The following POLE variants were observed in gnomAD, a reference collection of about 807,000 sequenced individuals.
POLE encodes the protein DNA polymerase epsilon, catalytic subunit.
Under a neutral mutation model 279.2 loss-of-function variants are expected in POLE, and 188 were observed. The ratio of observed to expected loss-of-function variants is 0.67; its 90% CI spans 0.60 to 0.76. The LOEUF is 0.76. Among genes scored for constraint, POLE ranks in the 30% least tolerant of loss-of-function variants. POLE has a pLI of 0.00. For synonymous variants in POLE, 1,214 were observed against 1,172.5 expected, an observed-to-expected ratio of 1.04 and a Z score of -0.72; for missense variants, 2,703 against 3,016.7, an observed-to-expected ratio of 0.90 and a Z score of 2.44.
At chr12:132,660,758 A>C in intron 25 of POLE, 5 of 392,572 alleles carry the variant, frequency 1.3e-5, no homozygotes, top group East Asian at 3.8e-5. Flanking sequence ...GCTATTTAGA[A>C]AAACGTTTCC....
chr12:132,680,773 A>C lies in POLE; in HGVS notation c.205-86T>G, dbSNP rs546336765. On this transcript the variant is annotated intron_variant, in intron 2 of 48. Coordinates refer to ENST00000320574, the MANE Select transcript of POLE (RefSeq NM_006231.4). ...CCTCCTACCTTTCGGGAAACTCAGC[A>C]CTTTAGAAACAAACCCTCTCATCTA... 3.9e-6 allele frequency: 4 copies of C among 1,035,414 alleles called. No individual in the cohort carries two copies. In the African/African-American group the frequency reaches 6.3e-5, roughly 16 times the overall value. 64.1% of individuals were successfully genotyped at this position (1,035,414 alleles called of 1,614,324 possible). A position where few individuals can be genotyped will look rare whatever the true frequency, so the allele number is the denominator to read the frequency against.
intron 29 of POLE, 107 bp downstream of exon 29, chr12:132,657,029 A>G: frequency 8.0e-7 from 1 of 1,249,656 alleles, no homozygotes; most frequent in South Asian, 1.4e-5. Context: ...TCCATTTTCG[A>G]TGCTTGAACA....
chr12:132,679,465 G>A (rs373142714), intron 6 of POLE, 32 bp downstream of exon 6: 78 of 1,585,126 alleles, frequency 4.9e-5, no homozygotes, highest in Middle Eastern at 1.8e-4. Context: ...GTTCTGAACC[G>A]CTGATGCTTT....
At position 132,680,335 on chromosome 12, in the gene POLE, C is replaced by T. The variant is rs967388791; in HGVS notation, c.286-113G>A. On this transcript the variant is annotated intron_variant, in intron 3 of 48. Coordinates refer to ENST00000320574, the MANE Select transcript of POLE (RefSeq NM_006231.4). Reference sequence around the variant, plus strand: ...ATGAACAGCCTAGGGCCAGGGTAGCCTTGACCTTGGTAGCATACAGGAAGT... The same window carrying T: ...ATGAACAGCCTAGGGCCAGGGTAGCTTTGACCTTGGTAGCATACAGGAAGT... 8.0e-5 allele frequency: 79 copies of T among 989,534 alleles called. No homozygotes were observed. In the African/African-American group the frequency reaches 1.2e-3, roughly 15 times the overall value. 61.3% of individuals were successfully genotyped at this position (989,534 alleles called of 1,614,324 possible). A position where few individuals can be genotyped will look rare whatever the true frequency, so the allele number is the denominator to read the frequency against.
chr12:132,673,253 C>T lies in POLE; in HGVS notation c.1384G>A (p.Asp462Asn), dbSNP rs765946486. 2 of 1,612,718 alleles carry T rather than the reference C, an allele frequency of 1.2e-6. No homozygotes were observed. The highest frequency in any genetic ancestry group is 3.3e-5 in the Admixed American group (2 of 60,030). Reference sequence around the variant, plus strand: ...TACAGGTAGTAAGTGGCGACAGCATCTGACACAGAATACGTGGCCAGAGTC... The same window carrying T: ...TACAGGTAGTAAGTGGCGACAGCATTTGACACAGAATACGTGGCCAGAGTC... ...PQTLATYSVSDAVATYYLYMK... is the reference protein window; with the variant it reads ...PQTLATYSVSNAVATYYLYMK... The change falls in exon 14 of 49, where the codon GAT becomes AAT. Residue 462 changes from aspartate to asparagine, a missense_variant. Asp to Asn is a conservative substitution (Grantham distance 23). Coordinates refer to ENST00000320574, the MANE Select transcript of POLE (RefSeq NM_006231.4).
At chr12:132,677,037 T>C (rs5744756) in intron 8 of POLE, among the ~76,000 whole-genome samples, 1,738 of 152,326 alleles carry the variant, frequency 0.011, 35 homozygotes, top group African/African-American at 0.04. Flanking sequence ...CACAAAGTCA[T>C]GTTTGAACCA....
Position 132,642,296 on chromosome 12 carries a change from C to G in POLE, c.5054G>C (p.Trp1685Ser), listed in dbSNP as rs1168249844. 2 of 1,605,992 alleles carry G rather than the reference C, an allele frequency of 1.2e-6. No homozygotes were observed. Among genetic ancestry groups the G allele is most frequent in the Admixed American group, 3.4e-5 (2 of 58,434 alleles). ...GTCAGGGCGGGCTGTAGGGGACAGC[C>G]AGAGCAGGTGGTTGTGGCGCTGGAG... Reference protein sequence around the residue: ...RHLQRHNHLLWLSPTARPDLG... With the variant: ...RHLQRHNHLLSLSPTARPDLG... Residue 1685 changes from tryptophan (W) to serine (S), a missense_variant, in exon 38 of 49, where the codon TGG (tryptophan) becomes TCG (serine). Trp to Ser is a radical substitution (Grantham distance 177). This residue lies in a region of POLE where 1,551 missense variants were observed against 1,686.1 expected (regional missense o/e 0.92). Coordinates refer to ENST00000320574, the MANE Select transcript of POLE (RefSeq NM_006231.4).
chr12:132,631,865 C>T (rs5745035), intron 45 of POLE, among the ~76,000 whole-genome samples: 123 of 152,262 alleles, frequency 8.1e-4, no homozygotes, highest in Admixed American at 1.5e-3. Flanking sequence ...CTGGTCCCAG[C>T]GCCCCTCACA....
intron 39 of POLE, chr12:132,641,049 G>T (rs906238209): frequency 4.4e-6 from 2 of 456,592 alleles, no homozygotes; most frequent in Admixed American, 4.7e-5. Context: ...GACCACAAAG[G>T]CAGCCCCTCT....
chr12:132,632,431 T>C lies in POLE; in HGVS notation c.6214A>G (p.Lys2072Glu). ...GAGTTCCGAGAGCCTGTGACTTTCT[T>C]CTGAATCTTCTGAGTGATGGTGAAG... ...SFFTITQKIQKKVTGSRNSTE... is the reference protein window; with the variant it reads ...SFFTITQKIQEKVTGSRNSTE... The change falls in exon 45 of 49, where the codon AAG becomes GAG. Residue 2072 changes from lysine to glutamate, a missense_variant. Physicochemically the swap from Lys to Glu is moderately conservative, Grantham distance 56 (BLOSUM62 1). Transcript: ENST00000320574. The C allele has an allele frequency of 6.2e-7, 1 of 1,614,050 alleles. No individual in the cohort carries two copies. The highest frequency in any genetic ancestry group is 1.1e-5 in the South Asian group (1 of 91,086).
At chr12:132,627,149 C>T (rs1303181030) in intron 45 of POLE, among the ~76,000 whole-genome samples, 5 of 152,112 alleles carry the variant, frequency 3.3e-5, no homozygotes, top group African/African-American at 4.8e-5. Flanking sequence ...GGCATGGTGG[C>T]GGGTGCACCT....
intron 33 of POLE, 132 bp downstream of exon 33, chr12:132,643,705 C>T (rs1280816936): frequency 6.9e-7 from 1 of 1,447,692 alleles, no homozygotes; most frequent in Non-Finnish European, 9.5e-7. Context: ...ACACTGCTGA[C>T]ATTCACCTCA....
At chr12:132,629,576 G>A (rs1017451144) in intron 45 of POLE, among the ~76,000 whole-genome samples, 1 of 152,190 alleles carries the variant, frequency 6.6e-6, no homozygotes, top group Admixed American at 6.5e-5. Context: ...CCAGCTTCAA[G>A]CTTTCCTTCT....
At chr12:132,679,362 C>T (rs1042343030) in intron 6 of POLE, 135 bp downstream of exon 6, 3 of 794,264 alleles carry the variant, frequency 3.8e-6, no homozygotes, top group Non-Finnish European at 6.1e-6. Context: ...ATACAGAAAT[C>T]TCTACCTAAT....
At position 132,632,727 on chromosome 12, in the gene POLE, C is replaced by T. The variant is rs995579204; in HGVS notation, c.6073G>A (p.Val2025Met). 33 of 1,613,502 alleles carry T rather than the reference C, an allele frequency of 2.0e-5. No homozygotes were observed. Among genetic ancestry groups the T allele is most frequent in the Non-Finnish European group, 2.5e-5 (30 of 1,179,922 alleles). ...AGCTGGCTGGCCCCCCTCCTCCTCA[C>T]GGGGGTGCTCCCTGGAGCACTGCGC... is the stretch of plus-strand genomic sequence containing the variant. ...LRRSAPGSTP[V>M]RRRGASQLSQ... Residue 2025 changes from valine to methionine, a missense_variant, in exon 44 of 49, where the codon GTG becomes ATG. Val to Met is a conservative substitution (Grantham distance 21). Around this residue, in one of 5 missense-constraint regions of POLE, gnomAD observed 1,551 missense variants for 1,686.1 expected, o/e 0.92. Transcript: ENST00000320574.
chr12:132,642,635 A>C lies in POLE; in HGVS notation c.4823T>G (p.Leu1608Arg), dbSNP rs1255478620. Residue 1608 changes from leucine to arginine, a missense_variant, in exon 37 of 49, where the codon CTG becomes CGG. Coordinates refer to ENST00000320574, the MANE Select transcript of POLE (RefSeq NM_006231.4). ...CTTGTCAGCCACACAGATAGGCACC[A>C]GTGGGAATTCCTCCAAGACAGGAAT... ...SEIPVLEEFP[L>R]VPICVADKIN... 6 of 1,613,292 alleles carry C rather than the reference A, an allele frequency of 3.7e-6. No individual in the cohort carries two copies. The highest frequency in any genetic ancestry group is 5.1e-6 in the Non-Finnish European group (6 of 1,180,042).
chr12:132,657,565 T>C (rs1219024744), intron 27 of POLE, 136 bp from the exon 28 acceptor site: 19 of 769,650 alleles, frequency 2.5e-5, no homozygotes, highest in Non-Finnish European at 3.5e-5. Flanking sequence ...AAGGTGCCCA[T>C]TGCACAACAG....
At chr12:132,682,291 C>CA (rs759276322) in intron 1 of POLE, among the ~76,000 whole-genome samples, 4,499 of 120,330 alleles carry the variant, frequency 0.037, 113 homozygotes, top group East Asian at 0.065. Flanking sequence ...GAGACTCCGG[C>CA]AAAAAAAAAA....
At chr12:132,631,463 A>G (rs2041931737) in intron 45 of POLE, among the ~76,000 whole-genome samples, 1 of 152,210 alleles carries the variant, frequency 6.6e-6, no homozygotes, top group Admixed American at 6.5e-5. Flanking sequence ...AAAGTCAATA[A>G]AGGAATTAAA....
Sources: allele counts gnomAD v4.1 joint callset (sites outside exome capture counted in the v4.1 genomes callset), GRCh38; gene constraint gnomAD v4.1.1; regional missense constraint gnomAD v4.1.1; transcripts MANE v1.5; gene names NCBI Gene and HGNC (gene_info 2026-07-23, HGNC 2026-07-21).